The following DPP6 variants were observed in gnomAD, a reference collection of about 807,000 sequenced individuals.
The protein encoded by DPP6 is dipeptidyl peptidase like 6, also known as A-type potassium channel modulatory protein DPP6.
In DPP6, 69 loss-of-function variants were observed where a neutral mutation model predicts 122.6. The observed-to-expected ratio is 0.56, with a 90% CI of 0.46 to 0.69. The LOEUF (loss-of-function observed/expected upper bound fraction) is 0.69, where lower values mean the gene tolerates loss of function less well. DPP6 is among the 30% of genes least tolerant of loss of function. The pLI, the probability that DPP6 is intolerant of heterozygous loss-of-function variation, is 0.00. For synonymous variants in DPP6, 418 were observed against 433.1 expected (o/e 0.97, Z 0.43); for missense variants, 928 against 1,116.9 (o/e 0.83, Z 2.41).
intron 1 of DPP6, among the ~76,000 whole-genome samples, chr7:154,427,670 T>C (rs923387690): frequency 6.6e-6 from 1 of 152,208 alleles, no homozygotes; most frequent in African/African-American, 2.4e-5. Flanking sequence ...ATTCAGTTTG[T>C]TTTTTGTTTC....
At chr7:154,788,843 C>G (rs962789851) in intron 10 of DPP6, among the ~76,000 whole-genome samples, 1 of 152,176 alleles carries the variant, frequency 6.6e-6, no homozygotes, top group Non-Finnish European at 1.5e-5. Flanking sequence ...TCATCTTCTT[C>G]TTTACACCTC....
intron 1 of DPP6, among the ~76,000 whole-genome samples, chr7:154,070,579 T>G (rs1007229028): frequency 7.9e-5 from 12 of 152,200 alleles, no homozygotes; most frequent in Admixed American, 6.5e-4. Context: ...CTCTAAGATT[T>G]TTTTTTCCTG....
chr7:154,863,315 GC>G lies in DPP6; in HGVS notation c.1715-4676del, dbSNP rs5888604. Among the ~76,000 whole-genome samples, 44,265 of 151,204 alleles carry G rather than the reference GC, an allele frequency of 0.29. 10,143 individuals are homozygous for G. Among genetic ancestry groups the G allele is most frequent in the African/African-American group, 0.63 (25,857 of 41,102 alleles). On this transcript the variant is annotated intron_variant, in intron 17 of 25. Coordinates refer to ENST00000377770, the MANE Select transcript of DPP6 (RefSeq NM_130797.4). This position sits in a 1 kb window ranked among gnomAD's most constrained non-coding sequence, Gnocchi z 4.1. Reference sequence around the variant, plus strand: ...AAGAAATGTAATATTTAGCATCTTGGCCCCAAGATTCTACAATCCTTTCATA... The same window carrying G: ...AAGAAATGTAATATTTAGCATCTTGGCCCAAGATTCTACAATCCTTTCATA...
At chr7:153,964,192 C>T (rs987646563) in intron 1 of DPP6, among the ~76,000 whole-genome samples, 1 of 152,038 alleles carries the variant, frequency 6.6e-6, no homozygotes, top group Non-Finnish European at 1.5e-5. Context: ...GACGGGGTTT[C>T]ACCATGTTGA....
intron 1 of DPP6, among the ~76,000 whole-genome samples, chr7:154,143,628 T>G (rs1259450095): frequency 6.6e-6 from 1 of 152,218 alleles, no homozygotes; most frequent in East Asian, 1.9e-4. Flanking sequence ...AACTTAGCTC[T>G]ATGTTTATTT....
chr7:154,324,493 G>A (rs562954827), intron 1 of DPP6, among the ~76,000 whole-genome samples: 1 of 152,162 alleles, frequency 6.6e-6, no homozygotes, highest in South Asian at 2.1e-4. Flanking sequence ...CTCTTACCAC[G>A]GGGTGACCCC....
Position 154,828,736 on chromosome 7 carries a change from C to T in DPP6, c.1666+21624C>T, listed in dbSNP as rs144338890. ...AACCATGTTTCCCCTGGGCTCTGACCCATGCAGATGTCAGTATGCCTCCAC... is the reference window on the plus strand; with the variant it reads ...AACCATGTTTCCCCTGGGCTCTGACTCATGCAGATGTCAGTATGCCTCCAC... On this transcript the variant is annotated intron_variant, in intron 16 of 25. Transcript: ENST00000377770. Among the ~76,000 whole-genome samples the T allele has an allele frequency of 2.6e-5, 4 of 152,244 alleles. No homozygotes were observed. The East Asian group carries it at 7.7e-4, about 29-fold the overall frequency.
chr7:154,438,665 T>C lies in DPP6; in HGVS notation c.244-7549T>C, dbSNP rs147844561. Among the ~76,000 whole-genome samples the C allele has an allele frequency of 6.5e-3, 982 of 152,222 alleles. 46 individuals are homozygous for C. The highest frequency in any genetic ancestry group is 0.059 in the Admixed American group (900 of 15,288). On this transcript the variant is annotated intron_variant, in intron 1 of 25. Coordinates refer to ENST00000377770, the MANE Select transcript of DPP6 (RefSeq NM_130797.4). ...CCTTTTTGCCTTTGTCTCTTTGCTTTTCATTCTCTTTGGTTCTGAACCTCT... is the reference window on the plus strand; with the variant it reads ...CCTTTTTGCCTTTGTCTCTTTGCTTCTCATTCTCTTTGGTTCTGAACCTCT...
chr7:154,634,645 C>T (rs368523399), intron 5 of DPP6, among the ~76,000 whole-genome samples: 29 of 110,614 alleles, frequency 2.6e-4, no homozygotes, highest in Non-Finnish European at 4.0e-4. Context: ...CCTCTTCTTC[C>T]TCCTCCTCCT....
intron 1 of DPP6, among the ~76,000 whole-genome samples, chr7:154,351,435 A>G (rs750156075): frequency 1.1e-4 from 16 of 152,214 alleles, no homozygotes; most frequent in African/African-American, 3.9e-4. Context: ...CAAAAATAGC[A>G]GCTGAGTGTA....
intron 7 of DPP6, among the ~76,000 whole-genome samples, chr7:154,670,016 C>T (rs1838458052): frequency 6.6e-6 from 1 of 152,128 alleles, no homozygotes; most frequent in Non-Finnish European, 1.5e-5. Context: ...TACTCCACCA[C>T]ACCCGACTAA....
At chr7:153,971,078 G>A (rs1002993666) in intron 1 of DPP6, among the ~76,000 whole-genome samples, 2 of 152,050 alleles carry the variant, frequency 1.3e-5, no homozygotes, top group African/African-American at 4.8e-5. Context: ...GGGAGAATTG[G>A]CATGTTAGTA....
intron 1 of DPP6, among the ~76,000 whole-genome samples, chr7:154,218,692 G>A (rs1030584182): frequency 7.2e-5 from 11 of 152,078 alleles, no homozygotes; most frequent in East Asian, 1.9e-4. Context: ...GTTTACATGC[G>A]GACATATAAT....
At chr7:154,838,395 C>T (rs1801253558) in intron 16 of DPP6, 1 of 152,206 alleles carries the variant, frequency 6.6e-6, no homozygotes, top group Admixed American at 6.5e-5. Flanking sequence ...CTTTGAAGAT[C>T]TCTGATCGGG....
chr7:154,585,728 G>GA (rs60506167), intron 5 of DPP6, among the ~76,000 whole-genome samples: 1 of 152,170 alleles, frequency 6.6e-6, no homozygotes, highest in Non-Finnish European at 1.5e-5. Flanking sequence ...ATAATGACAA[G>GA]AAAAAATCTG....
chr7:154,569,205 G>A (rs12672065), intron 5 of DPP6, among the ~76,000 whole-genome samples: 6,130 of 151,944 alleles, frequency 0.04, 573 homozygotes, highest in East Asian at 0.38. Context: ...GAAAAGGGAG[G>A]GGTAAATTTC....
At chr7:154,337,097 A>G (rs1182709216) in intron 1 of DPP6, among the ~76,000 whole-genome samples, 1 of 152,210 alleles carries the variant, frequency 6.6e-6, no homozygotes, top group East Asian at 1.9e-4. Flanking sequence ...ATAGAAAGTT[A>G]CATCACTCTT....
Position 154,821,653 on chromosome 7 carries a change from T to TATATATACACACAC in DPP6, c.1666+14548_1666+14549insCACACACATATATA, listed in dbSNP as rs1554477670. 1.9e-5 allele frequency among the ~76,000 whole-genome samples: 2 copies of TATATATACACACAC among 107,094 alleles called. No individual in the cohort carries two copies. Among genetic ancestry groups the TATATATACACACAC allele is most frequent in the African/African-American group, 3.4e-5 (1 of 29,614 alleles). The allele number at this position is 107,094 out of a possible 152,430, so 70.3% of individuals were successfully genotyped here. On this transcript the variant is annotated intron_variant, in intron 16 of 25. Transcript: ENST00000377770. The surrounding 1 kb of genome is among the most constrained non-coding windows in gnomAD (Gnocchi z 4.2). ...GTATATATATATATATATACACATA[T>TATATATACACACAC]ATATATATATACACATATATATATA...
intron 6 of DPP6, among the ~76,000 whole-genome samples, chr7:154,650,848 C>T (rs564420124): frequency 2.0e-5 from 3 of 152,304 alleles, no homozygotes; most frequent in East Asian, 3.9e-4. Context: ...GGATGAAGGC[C>T]GTCCTACCTA....
Sources: gnomAD v4.1 joint callset for allele counts (sites outside exome capture counted in the v4.1 genomes callset) on GRCh38, gnomAD v4.1.1 for gene constraint, Gnocchi (gnomAD v3.1) non-coding constraint, MANE v1.5 for transcripts, NCBI Gene and HGNC (gene_info 2026-07-23, HGNC 2026-07-21) for gene names.